The following AOAH variants were observed in gnomAD, a reference collection of about 807,000 sequenced individuals.
The protein encoded by AOAH is acyloxyacyl hydrolase, also known as acyloxyacyl hydrolase (neutrophil).
A neutral mutation model predicts 92.2 loss-of-function variants in AOAH; 64 were observed. The observed-to-expected ratio is 0.69, with a 90% confidence interval of 0.57 to 0.86. AOAH has a LOEUF of 0.86. AOAH is among the 40% of genes least tolerant of loss of function. The pLI, the probability that AOAH is intolerant of heterozygous loss-of-function variation, is 0.00. For missense variants in AOAH, 656 were observed against 694.6 expected (o/e 0.94, Z 0.62); for synonymous variants, 263 against 254.5 (o/e 1.03, Z -0.32).
intron 13 of AOAH, among the ~76,000 whole-genome samples, chr7:36,569,789 T>G (rs1452222361): frequency 6.6e-6 from 1 of 152,078 alleles, no homozygotes; most frequent in Non-Finnish European, 1.5e-5. Flanking sequence ...TTTTTTTATT[T>G]TTTAGTAGAG....
At chr7:36,691,137 T>C (rs1049786434) in intron 1 of AOAH, among the ~76,000 whole-genome samples, 3 of 152,192 alleles carry the variant, frequency 2.0e-5, no homozygotes, top group Non-Finnish European at 4.4e-5. Context: ...GAGTGTACCT[T>C]ACGGTTTTCA....
At chr7:36,707,159 ACT>A (rs1056465337) in intron 1 of AOAH, among the ~76,000 whole-genome samples, 99 of 149,462 alleles carry the variant, frequency 6.6e-4, no homozygotes, top group African/African-American at 2.4e-3. Context: ...GTTTTGTGTG[ACT>A]CTTTCTTTCA....
At chr7:36,517,661 C>T (rs1163518349) in intron 20 of AOAH, among the ~76,000 whole-genome samples, 1 of 127,202 alleles carries the variant, frequency 7.9e-6, no homozygotes, top group South Asian at 2.6e-4. Flanking sequence ...AGTGTAGTGG[C>T]GTGATCTCGG....
intron 16 of AOAH, among the ~76,000 whole-genome samples, chr7:36,537,726 TTGGCCAGGC>T (rs1785168107): frequency 6.6e-6 from 1 of 152,150 alleles, no homozygotes; most frequent in South Asian, 2.1e-4. Context: ...TTTCACCATG[TTGGCCAGGC>T]TGGCCTTGAA....
chr7:36,551,953 C>A (rs548524940), intron 13 of AOAH, among the ~76,000 whole-genome samples: 33 of 152,258 alleles, frequency 2.2e-4, no homozygotes, highest in African/African-American at 7.9e-4. Flanking sequence ...AGGTGCACTT[C>A]TGTTACCTGG....
In AOAH at chr7:36,639,084, G is replaced by C. The variant is rs181766068; in HGVS notation, c.391-1174C>G. 3.7e-3 allele frequency among the ~76,000 whole-genome samples: 565 copies of C among 152,326 alleles called. 4 individuals are homozygous for C. The highest frequency in any genetic ancestry group is 0.013 in the African/African-American group (542 of 41,574). Reference sequence around the variant, plus strand: ...CTGATTAGTTGGCAGTAGGCCAAAAGAGCTGATCCCAATCTTCACTTTTAA... The same window carrying C: ...CTGATTAGTTGGCAGTAGGCCAAAACAGCTGATCCCAATCTTCACTTTTAA... On this transcript the variant is annotated intron_variant, in intron 4 of 20. Coordinates refer to ENST00000617537, the MANE Select transcript of AOAH (RefSeq NM_001637.4).
At chr7:36,518,069 A>G (rs1435393820) in intron 20 of AOAH, among the ~76,000 whole-genome samples, 10 of 152,180 alleles carry the variant, frequency 6.6e-5, no homozygotes, top group Non-Finnish European at 7.3e-5. Context: ...TTTGGTAAAC[A>G]GTGCCATGAG....
At chr7:36,655,743 C>T (rs748859616) in intron 4 of AOAH, among the ~76,000 whole-genome samples, 12 of 152,122 alleles carry the variant, frequency 7.9e-5, no homozygotes, top group African/African-American at 1.2e-4. Context: ...CCGTTCATTG[C>T]GTCAATACAC....
chr7:36,561,282 T>G (rs1407210118), intron 13 of AOAH, among the ~76,000 whole-genome samples: 1 of 152,166 alleles, frequency 6.6e-6, no homozygotes, highest in Non-Finnish European at 1.5e-5. Context: ...CCTCAGGTAA[T>G]CCACCTGCCT....
In AOAH at chr7:36,591,882, G is replaced by A. The variant is rs76573881; in HGVS notation, c.938+2457C>T. On this transcript the variant is annotated intron_variant, in intron 12 of 20. Transcript: ENST00000617537. ...GCGAGCTGTAAGCAGAAAGAGATGA[G>A]GAAACATGTTTTTATCTGTTTGCTG... Among the ~76,000 whole-genome samples the A allele has an allele frequency of 1.8e-3, 277 of 152,198 alleles. 6 individuals carry two copies. The East Asian group carries it at 0.047, about 26-fold the overall frequency.
At chr7:36,687,717 C>G (rs1007001273) in intron 1 of AOAH, among the ~76,000 whole-genome samples, 1 of 152,070 alleles carries the variant, frequency 6.6e-6, no homozygotes, top group African/African-American at 2.4e-5. Context: ...ACAAAATGTT[C>G]CAAGGAGCCT....
At chr7:36,703,616 C>A (rs976908261) in intron 1 of AOAH, among the ~76,000 whole-genome samples, 1 of 152,050 alleles carries the variant, frequency 6.6e-6, no homozygotes, top group South Asian at 2.1e-4. Context: ...CATTGTTCAA[C>A]TCTCACTTAT....
chr7:36,627,532 C>T (rs1368799375), intron 6 of AOAH, among the ~76,000 whole-genome samples: 1 of 148,696 alleles, frequency 6.7e-6, no homozygotes, highest in Non-Finnish European at 1.5e-5. Context: ...ATTTCTTAGA[C>T]ATGGAAAGCA....
intron 1 of AOAH, among the ~76,000 whole-genome samples, chr7:36,705,400 A>G (rs1261536620): frequency 2.0e-5 from 3 of 152,224 alleles, no homozygotes; most frequent in African/African-American, 4.8e-5. Flanking sequence ...CAAAGAGAAT[A>G]AAATACCTAG....
At chr7:36,690,178 T>C (rs1797302815) in intron 1 of AOAH, 1 of 453,498 alleles carries the variant, frequency 2.2e-6, no homozygotes, top group Non-Finnish European at 4.4e-6. Flanking sequence ...TCAGCACTGC[T>C]GGCTAAAATT....
At chr7:36,600,594 T>A (rs764767765) in intron 11 of AOAH, among the ~76,000 whole-genome samples, 2 of 151,630 alleles carry the variant, frequency 1.3e-5, no homozygotes, top group Non-Finnish European at 2.9e-5. Context: ...TGGTAAATAG[T>A]AGGGCTGGGA....
Position 36,724,221 on chromosome 7 carries a change from G to A in AOAH, c.-73C>T. 1.3e-6 allele frequency: 2 copies of A among 1,572,264 alleles called. No individual in the cohort carries two copies. The highest frequency in any genetic ancestry group is 1.1e-5 in the South Asian group (1 of 89,738). On this transcript the variant is annotated 5_prime_UTR_variant, in exon 1 of 21. Transcript: ENST00000617537. ...ACTGAGGGATGCTGGAGCTGAGGCT[G>A]CAGAATCAATTGATCTCTCTCTCCT...
At chr7:36,625,765 C>T (rs940784174) in intron 6 of AOAH, among the ~76,000 whole-genome samples, 6 of 152,072 alleles carry the variant, frequency 3.9e-5, no homozygotes, top group African/African-American at 1.4e-4. Context: ...ATGGTGGGAG[C>T]GGAGGGGAAT....
intron 13 of AOAH, among the ~76,000 whole-genome samples, chr7:36,567,705 G>A (rs533452472): frequency 1.4e-4 from 22 of 152,252 alleles, no homozygotes; most frequent in Non-Finnish European, 2.6e-4. Context: ...GTTCTCTCTG[G>A]CTTGGAGTAA....
Sources: gnomAD v4.1 joint callset for allele counts (sites outside exome capture counted in the v4.1 genomes callset) on GRCh38, gnomAD v4.1.1 for gene constraint, MANE v1.5 for transcripts, NCBI Gene and HGNC (gene_info 2026-07-23, HGNC 2026-07-21) for gene names.